CSTPP1: variants seen among roughly 807,000 people sequenced by gnomAD.
The protein encoded by CSTPP1 is UPF0705 protein C11orf49.
At chr11:47,157,932 A>G in the CSTPP1 span, 1 of 1,608,424 alleles carries the variant, frequency 6.2e-7, no homozygotes, top group Non-Finnish European at 8.5e-7. Context: ...GGTAAGTCAG[A>G]GCTAAGCAGC....
chr11:47,041,275 G>C, the CSTPP1 span: 1 of 261,582 alleles, frequency 3.8e-6, no homozygotes. Context: ...TACTTGGCCA[G>C]CTCCTGGATC....
At chr11:47,015,970 G>C in the CSTPP1 span, among the ~76,000 whole-genome samples, 1 of 152,102 alleles carries the variant, frequency 6.6e-6, no homozygotes, top group Non-Finnish European at 1.5e-5. Flanking sequence ...CAAAAATCAA[G>C]ACTGTTCATG....
the CSTPP1 span, among the ~76,000 whole-genome samples, chr11:47,117,999 C>A: frequency 6.6e-6 from 1 of 151,290 alleles, no homozygotes; most frequent in South Asian, 2.1e-4. Context: ...CCTGCCTCAG[C>A]CTCTTGAGTA....
chr11:47,011,272 A>G, the CSTPP1 span, among the ~76,000 whole-genome samples: 1 of 152,232 alleles, frequency 6.6e-6, no homozygotes, highest in South Asian at 2.1e-4. Flanking sequence ...AATATGCCAG[A>G]TGGTAGAAAT....
At chr11:46,942,926 A>G in the CSTPP1 span, among the ~76,000 whole-genome samples, 1 of 152,184 alleles carries the variant, frequency 6.6e-6, no homozygotes, top group African/African-American at 2.4e-5. Flanking sequence ...TAAAAAGATA[A>G]AAACAAACCA....
chr11:47,014,148 A>G, the CSTPP1 span, among the ~76,000 whole-genome samples: 1 of 151,906 alleles, frequency 6.6e-6, no homozygotes, highest in Non-Finnish European at 1.5e-5. Context: ...AGCCATGAGT[A>G]TGCCATTGTA....
At chr11:47,013,140 A>C in the CSTPP1 span, among the ~76,000 whole-genome samples, 2 of 147,956 alleles carry the variant, frequency 1.4e-5, no homozygotes, top group Non-Finnish European at 3.0e-5. Flanking sequence ...AGCATATATA[A>C]CCATATGTAG....
the CSTPP1 span, among the ~76,000 whole-genome samples, chr11:47,006,188 A>G: frequency 2.0e-5 from 3 of 152,196 alleles, no homozygotes; most frequent in Non-Finnish European, 4.4e-5. Context: ...ACATTAATTC[A>G]AAACTATTAA....
the CSTPP1 span, among the ~76,000 whole-genome samples, chr11:47,152,946 T>C: frequency 6.6e-6 from 1 of 152,152 alleles, no homozygotes; most frequent in Admixed American, 6.5e-5. Context: ...AGTCAGTGGC[T>C]TCTCATGTCC....
At chr11:46,975,295 A>G in the CSTPP1 span, among the ~76,000 whole-genome samples, 1 of 152,252 alleles carries the variant, frequency 6.6e-6, no homozygotes, top group East Asian at 1.9e-4. Context: ...TTTAAAAGTT[A>G]GAAAATATAT....
At chr11:47,108,358 G>C in the CSTPP1 span, among the ~76,000 whole-genome samples, 1 of 152,172 alleles carries the variant, frequency 6.6e-6, no homozygotes, top group Non-Finnish European at 1.5e-5. Flanking sequence ...TTGCACGAGG[G>C]CTATCTGCCG....
chr11:47,137,005 C>G, the CSTPP1 span, among the ~76,000 whole-genome samples: 2 of 152,214 alleles, frequency 1.3e-5, no homozygotes, highest in East Asian at 3.8e-4. Flanking sequence ...CAAAGCATTG[C>G]TTCTGTATAT....
At chr11:47,150,096 T>C in the CSTPP1 span, among the ~76,000 whole-genome samples, 27 of 152,020 alleles carry the variant, frequency 1.8e-4, no homozygotes, top group Admixed American at 1.8e-3. Flanking sequence ...TTATCCAGTA[T>C]CCTGGTTTTT....
the CSTPP1 span, among the ~76,000 whole-genome samples, chr11:46,998,537 A>ATTATT: frequency 6.6e-6 from 1 of 152,212 alleles, no homozygotes; most frequent in Admixed American, 6.5e-5. Flanking sequence ...AGAAGTGAAA[A>ATTATT]GTAAACCAGC....
chr11:47,081,786 G>A, the CSTPP1 span, among the ~76,000 whole-genome samples: 1 of 151,616 alleles, frequency 6.6e-6, no homozygotes, highest in African/African-American at 2.4e-5. Flanking sequence ...ACAAATTCTA[G>A]ATGGATCAAA....
chr11:47,091,031 A>G, the CSTPP1 span, among the ~76,000 whole-genome samples: 1 of 127,074 alleles, frequency 7.9e-6, no homozygotes, highest in African/African-American at 3.0e-5. Context: ...AGAGCGAGAC[A>G]GCGAGACTCC....
the CSTPP1 span, among the ~76,000 whole-genome samples, chr11:46,961,311 A>G: frequency 6.6e-6 from 1 of 152,132 alleles, no homozygotes; most frequent in African/African-American, 2.4e-5. Flanking sequence ...CATTTCCCTA[A>G]TGATTAATGA....
the CSTPP1 span, among the ~76,000 whole-genome samples, chr11:47,015,603 A>G: frequency 6.6e-6 from 1 of 152,136 alleles, no homozygotes; most frequent in Non-Finnish European, 1.5e-5. Flanking sequence ...CCAGTTCTAC[A>G]CAAATGCTTC....
At chr11:47,061,232 T>A in the CSTPP1 span, among the ~76,000 whole-genome samples, 84 of 152,356 alleles carry the variant, frequency 5.5e-4, no homozygotes, top group Non-Finnish European at 9.6e-4. Flanking sequence ...TTTATTCTTG[T>A]CAACTTTGCT....
Sources: gnomAD v4.1 joint callset for allele counts (sites outside exome capture counted in the v4.1 genomes callset) on GRCh38, gnomAD v4.1.1 for gene constraint, MANE v1.5 for transcripts, NCBI Gene and HGNC (gene_info 2026-07-23, HGNC 2026-07-21) for gene names.